Variants in CUBN observed in about 807,000 individuals in gnomAD.
CUBN encodes the protein cubilin.
In CUBN, 282 loss-of-function variants were observed where a neutral mutation model predicts 405.3. That is an observed-to-expected ratio of 0.70 (90% CI 0.63 to 0.77). The LOEUF (loss-of-function observed/expected upper bound fraction) is 0.77. Ranked by LOEUF, CUBN falls within the 30% of genes least tolerant of loss-of-function variation. The probability of loss-of-function intolerance (pLI) is 0.00; values close to 1 mark genes in which losing one functional copy is unlikely to be tolerated. For synonymous variants in CUBN, 1,684 were observed against 1,617.0 expected (o/e 1.04, Z -0.99); for missense variants, 4,514 against 4,475.2 (o/e 1.01, Z -0.25).
chr10:17,000,789 G>A (rs1387210677), intron 28 of CUBN, among the ~76,000 whole-genome samples: 2 of 152,162 alleles, frequency 1.3e-5, no homozygotes, highest in Non-Finnish European at 2.9e-5. Flanking sequence ...CACTTAACTT[G>A]TCTCAGGCTT....
intron 54 of CUBN, among the ~76,000 whole-genome samples, chr10:16,898,066 G>GTGTATATATATATATATA (rs1554789718): frequency 6.9e-5 from 10 of 145,032 alleles, no homozygotes; most frequent in Middle Eastern, 3.3e-3. Context: ...TTTATTATAT[G>GTGTATATATATATATATA]TATATATATA....
intron 65 of CUBN, among the ~76,000 whole-genome samples, chr10:16,829,316 GA>G (rs1009293995): frequency 7.8e-6 from 1 of 127,490 alleles, no homozygotes; most frequent in Admixed American, 9.0e-5. Flanking sequence ...ACTGTACTTT[GA>G]AAATTGGGGG....
chr10:16,925,429 A>C lies in CUBN; in HGVS notation c.6463-5T>G. ...GATATCAGGACCATTTCTTAGCTGGAAAGACAAATTAAAATTTCATCAACT... is the reference window on the plus strand; with the variant it reads ...GATATCAGGACCATTTCTTAGCTGGCAAGACAAATTAAAATTTCATCAACT... On this transcript the variant is annotated splice_polypyrimidine_tract_variant and splice_region_variant and intron_variant, in intron 42 of 66. Transcript: ENST00000377833. 2 of 1,613,688 alleles carry C rather than the reference A, an allele frequency of 1.2e-6. No individual in the cohort carries two copies. The highest frequency in any genetic ancestry group is 1.7e-6 in the Non-Finnish European group (2 of 1,179,670).
intron 60 of CUBN, among the ~76,000 whole-genome samples, chr10:16,841,682 T>C (rs1296244929): frequency 6.6e-6 from 1 of 152,168 alleles, no homozygotes; most frequent in African/African-American, 2.4e-5. Flanking sequence ...TGCTGTTCAC[T>C]TTGCCTGGAA....
chr10:16,892,656 T>A lies in CUBN; in HGVS notation c.8599-2129A>T, dbSNP rs202145666. ...ACAGGTGCGTGCAACCATGCCTGGC[T>A]AGTTTTTTGTATTTTTTTGCAGAGA... On this transcript the variant is annotated intron_variant, in intron 54 of 66. Coordinates refer to ENST00000377833, the MANE Select transcript of CUBN (RefSeq NM_001081.4). Among the ~76,000 whole-genome samples, 9 of 152,086 alleles carry A rather than the reference T, an allele frequency of 5.9e-5. No individual in the cohort carries two copies. The East Asian group carries it at 1.7e-3, about 29-fold the overall frequency.
intron 34 of CUBN, among the ~76,000 whole-genome samples, chr10:16,948,811 G>C (rs1564441637): frequency 6.6e-6 from 1 of 152,198 alleles, no homozygotes; most frequent in African/African-American, 2.4e-5. Context: ...ATATATAGGA[G>C]AGGTGATTTA....
chr10:16,837,538 G>T (rs1284989732), intron 62 of CUBN, among the ~76,000 whole-genome samples: 2 of 151,914 alleles, frequency 1.3e-5, no homozygotes, highest in Non-Finnish European at 2.9e-5. Context: ...CCCTTTAGAG[G>T]TTTCTGTGTT....
chr10:17,114,972 G>A (rs372820906), intron 7 of CUBN, among the ~76,000 whole-genome samples: 3 of 152,306 alleles, frequency 2.0e-5, no homozygotes, highest in Non-Finnish European at 2.9e-5. Context: ...GGCCGGGCAC[G>A]GTGGCTCATG....
intron 10 of CUBN, among the ~76,000 whole-genome samples, chr10:17,106,801 A>G (rs1033887802): frequency 6.6e-6 from 1 of 152,206 alleles, no homozygotes; most frequent in South Asian, 2.1e-4. Context: ...GGCAGGCCAC[A>G]TGTCCCCAGT....
intron 31 of CUBN, among the ~76,000 whole-genome samples, chr10:16,959,319 A>ATAT: frequency 1.3e-5 from 2 of 152,312 alleles, no homozygotes; most frequent in Middle Eastern, 3.4e-3. Context: ...AGTGTTTTTA[A>ATAT]CACTTATAAT....
chr10:16,874,457 A>T lies in CUBN; in HGVS notation c.9153T>A (p.Pro3051=). The change falls in exon 58 of 67, where the codon CCT becomes CCA. Residue 3051 remains proline (P), a synonymous_variant. Coordinates refer to ENST00000377833, the MANE Select transcript of CUBN (RefSeq NM_001081.4). The part of the protein sequence containing the change: ...FNFSSGIITS[P]AYSYADYPND... Reference sequence around the variant, plus strand: ...TTGGGTAGTCTGCGTATGAATAGGCAGGACTTGTGATGATTCCAGAAGAGA... The same window carrying T: ...TTGGGTAGTCTGCGTATGAATAGGCTGGACTTGTGATGATTCCAGAAGAGA... 3 of 1,614,196 alleles carry T rather than the reference A, an allele frequency of 1.9e-6. No homozygotes were observed. The highest frequency in any genetic ancestry group is 2.5e-6 in the Non-Finnish European group (3 of 1,180,004).
At chr10:16,948,680 T>C in intron 34 of CUBN, 74 bp from the exon 35 acceptor site, 14 of 1,578,020 alleles carry the variant, frequency 8.9e-6, no homozygotes, top group Non-Finnish European at 1.2e-5. Context: ...GAAACACATC[T>C]TTACTCGAAT....
chr10:17,009,338 G>A (rs908943373), intron 28 of CUBN, among the ~76,000 whole-genome samples: 1 of 152,138 alleles, frequency 6.6e-6, no homozygotes. Flanking sequence ...ATAGACAGAG[G>A]GTGCCTTTGA....
In CUBN at chr10:16,937,511, C is replaced by T; in HGVS notation, c.5926+81G>A. 4 of 1,191,206 alleles carry T rather than the reference C, an allele frequency of 3.4e-6. No homozygotes were observed. The South Asian group carries it at 5.1e-5, about 15-fold the overall frequency. 73.8% of individuals were successfully genotyped at this position (1,191,206 alleles called of 1,614,324 possible). A position where few individuals can be genotyped will look rare whatever the true frequency, so the allele number is the denominator to read the frequency against. On this transcript the variant is annotated intron_variant, in intron 39 of 66. Coordinates refer to ENST00000377833, the MANE Select transcript of CUBN (RefSeq NM_001081.4). ...GGGCTGTACTTATTTTTATATCTGA[C>T]CCCTGTTATGATAGGATCCTTTGAA... is the stretch of plus-strand genomic sequence containing the variant.
chr10:17,073,067 C>T (rs1276072628), intron 17 of CUBN, among the ~76,000 whole-genome samples: 3 of 152,088 alleles, frequency 2.0e-5, no homozygotes, highest in African/African-American at 7.2e-5. Context: ...TTATTCTAAG[C>T]CATCCTCAAA....
intron 59 of CUBN, among the ~76,000 whole-genome samples, chr10:16,861,802 C>T (rs915022725): frequency 2.6e-5 from 4 of 152,072 alleles, no homozygotes; most frequent in Admixed American, 2.6e-4. Context: ...ATCCAAGTAC[C>T]ATAGATCCCT....
In CUBN at chr10:16,984,131, T is replaced by C. The variant is rs746279687; in HGVS notation, c.4499A>G (p.Asn1500Ser). Reference protein sequence around the residue: ...TDLSINGRGFNASWQAVTGGC... With the variant: ...TDLSINGRGFSASWQAVTGGC... The stretch of plus-strand genomic sequence containing the variant: ...TCCAGTGACTGCTTGCCATGACGCA[T>C]TGAAGCCTCTCCCATTTATGGACAA... The change falls in exon 30 of 67, where the codon AAT becomes AGT. Residue 1500 changes from asparagine to serine, a missense_variant. Asn to Ser is a conservative substitution (Grantham distance 46, BLOSUM62 1). Transcript: ENST00000377833. 12 of 1,614,168 alleles carry C rather than the reference T, an allele frequency of 7.4e-6. No individual in the cohort carries two copies. Among genetic ancestry groups the C allele is most frequent in the South Asian group, 1.1e-5 (1 of 91,082 alleles).
rs772316719 is a variant in CUBN, at chr10:16,954,387, G to C, written c.4855+2C>G. 6 of 1,614,100 alleles carry C rather than the reference G, an allele frequency of 3.7e-6. No individual in the cohort carries two copies. In the East Asian group the frequency reaches 1.3e-4, roughly 36 times the overall value. On this transcript the variant is annotated splice_donor_variant, in intron 32 of 66. Coordinates refer to ENST00000377833, the MANE Select transcript of CUBN (RefSeq NM_001081.4). LOFTEE classifies it high-confidence loss of function. ...GCCTGGGAAGATCCACAGGGTACTT[G>C]CCTTGCCTGAATTGAGCTCGGAAGC...
chr10:17,100,823 T>A (rs1588642033), intron 13 of CUBN, among the ~76,000 whole-genome samples: 1 of 151,946 alleles, frequency 6.6e-6, no homozygotes, highest in African/African-American at 2.4e-5. Context: ...CTGGATATAA[T>A]TAAAGGATGA....
Sources: gnomAD v4.1 joint callset for allele counts (sites outside exome capture counted in the v4.1 genomes callset) on GRCh38, gnomAD v4.1.1 for gene constraint, MANE v1.5 for transcripts, NCBI Gene and HGNC (gene_info 2026-07-23, HGNC 2026-07-21) for gene names.